The following ATP11B variants were observed in gnomAD, a reference collection of about 807,000 sequenced individuals.
ATP11B encodes the protein ATPase phospholipid transporting 11B (putative).
In ATP11B, 81 loss-of-function variants were observed where a neutral mutation model predicts 157.8. That is an observed-to-expected ratio of 0.51 (90% confidence interval 0.43 to 0.62). The LOEUF is 0.62. Ranked by LOEUF, ATP11B falls within the 20% of genes least tolerant of loss-of-function variation. The pLI, the probability that ATP11B is intolerant of heterozygous loss-of-function variation, is 0.00. For missense variants in ATP11B, 1,165 were observed against 1,402.2 expected, an observed-to-expected ratio of 0.83 and a Z score of 2.70; for synonymous variants, 451 against 469.4, an observed-to-expected ratio of 0.96 and a Z score of 0.51.
At chr3:182,892,211 C>T (rs1723222881) in intron 25 of ATP11B, among the ~76,000 whole-genome samples, 1 of 152,170 alleles carries the variant, frequency 6.6e-6, no homozygotes, top group African/African-American at 2.4e-5. Context: ...AAGATTCCCT[C>T]ACCACCACCT....
At chr3:182,796,092 C>T (rs1715580960) in intron 1 of ATP11B, among the ~76,000 whole-genome samples, 1 of 152,088 alleles carries the variant, frequency 6.6e-6, no homozygotes, top group South Asian at 2.1e-4. Context: ...AAGTGTGACT[C>T]CTTATGACAA....
At chr3:182,916,211 T>C in intron 29 of ATP11B, 1 of 985,306 alleles carries the variant, frequency 1.0e-6, no homozygotes, top group South Asian at 4.7e-5. Context: ...TGTTGGGCAT[T>C]TCCATTGTGA....
chr3:182,828,264 T>G, intron 3 of ATP11B, 55 bp downstream of exon 3: 1 of 886,070 alleles, frequency 1.1e-6, no homozygotes, highest in South Asian at 2.1e-5. Flanking sequence ...AAAATATGTC[T>G]TGGAACAAAG....
chr3:182,795,129 G>C lies in ATP11B; in HGVS notation c.27+1343G>C, dbSNP rs577230801. ...TAGCATTGTAAATTCAGATATCCCAGATATATGCTTTATTAGGAAACCAAG... is the reference window on the plus strand; with the variant it reads ...TAGCATTGTAAATTCAGATATCCCACATATATGCTTTATTAGGAAACCAAG... On this transcript the variant is annotated intron_variant, in intron 1 of 29. Coordinates refer to ENST00000323116, the MANE Select transcript of ATP11B (RefSeq NM_014616.3). Among the ~76,000 whole-genome samples the C allele has an allele frequency of 3.3e-5, 5 of 152,118 alleles. No homozygotes were observed. The South Asian group carries it at 1.0e-3, about 32-fold the overall frequency.
chr3:182,868,567 C>T (rs184552733), intron 15 of ATP11B, among the ~76,000 whole-genome samples: 11 of 152,116 alleles, frequency 7.2e-5, no homozygotes, highest in African/African-American at 2.2e-4. Flanking sequence ...AATGGACCCC[C>T]GCACACACAC....
At chr3:182,831,140 T>C (rs188358280) in intron 4 of ATP11B, among the ~76,000 whole-genome samples, 1 of 152,328 alleles carries the variant, frequency 6.6e-6, no homozygotes, top group African/African-American at 2.4e-5. Context: ...ATTTCAACTT[T>C]GTCATCTCAC....
At chr3:182,794,369 G>A (rs930488159) in intron 1 of ATP11B, among the ~76,000 whole-genome samples, 9 of 152,142 alleles carry the variant, frequency 5.9e-5, no homozygotes, top group African/African-American at 2.2e-4. Flanking sequence ...ACCTGGAAAG[G>A]GGAAAGACTG....
intron 28 of ATP11B, among the ~76,000 whole-genome samples, chr3:182,902,922 A>G (rs568433346): frequency 3.3e-5 from 5 of 152,186 alleles, no homozygotes; most frequent in African/African-American, 1.2e-4. Context: ...TTAAAGCTAC[A>G]TATTTGGAAG....
chr3:182,799,992 C>T (rs1715886516), intron 1 of ATP11B, among the ~76,000 whole-genome samples: 1 of 152,012 alleles, frequency 6.6e-6, no homozygotes, highest in Non-Finnish European at 1.5e-5. Flanking sequence ...TGCCTTTAGT[C>T]CCAGCTACTT....
Position 182,816,231 on chromosome 3 carries a change from T to C in ATP11B, c.28-4029T>C, listed in dbSNP as rs948241631. On this transcript the variant is annotated intron_variant, in intron 1 of 29. Coordinates refer to ENST00000323116, the MANE Select transcript of ATP11B (RefSeq NM_014616.3). ...TTTAAATTTGTGTGCCTACAATACC[T>C]AAACTCTACTTTTTAGTAGACATTA... is the stretch of plus-strand genomic sequence containing the variant. 2.0e-5 allele frequency among the ~76,000 whole-genome samples: 3 copies of C among 152,334 alleles called. No individual in the cohort carries two copies. The East Asian group carries it at 5.8e-4, about 29-fold the overall frequency.
Position 182,828,218 on chromosome 3 carries a change from T to C in ATP11B, c.234+9T>C. ...TTATATTTTTGGTTCAGGTAAGCTT[T>C]ATTACTCAATCTTAAGTTTGTAAAC... is the stretch of plus-strand genomic sequence containing the variant. On this transcript the variant is annotated intron_variant, in intron 3 of 29. Coordinates refer to ENST00000323116, the MANE Select transcript of ATP11B (RefSeq NM_014616.3). The C allele has an allele frequency of 1.6e-6, 2 of 1,234,092 alleles. No homozygotes were observed. Among genetic ancestry groups the C allele is most frequent in the Admixed American group, 2.3e-5 (1 of 43,536 alleles). The allele number at this position is 1,234,092 out of a possible 1,614,324, so 76.4% of individuals were successfully genotyped here. A position where few individuals can be genotyped will look rare whatever the true frequency, so the allele number is the denominator to read the frequency against.
chr3:182,856,660 A>G (rs1720428555), intron 10 of ATP11B, among the ~76,000 whole-genome samples: 1 of 152,222 alleles, frequency 6.6e-6, no homozygotes, highest in Non-Finnish European at 1.5e-5. Context: ...TACTATGCCT[A>G]ATACATAATA....
intron 20 of ATP11B, 135 bp downstream of exon 20, chr3:182,879,784 G>A (rs1407960400): frequency 4.1e-6 from 3 of 737,198 alleles, no homozygotes; most frequent in African/African-American, 3.7e-5. Flanking sequence ...CACATCTCAT[G>A]TTGTAAATTT....
intron 24 of ATP11B, 86 bp downstream of exon 24, chr3:182,887,799 T>C (rs2108568081): frequency 7.3e-7 from 1 of 1,372,218 alleles, no homozygotes; most frequent in African/African-American, 1.5e-5. Flanking sequence ...TGATTAATGC[T>C]TTACTAAGGA....
Position 182,918,457 on chromosome 3 carries a change from A to G in ATP11B, c.*353A>G. 2.5e-6 allele frequency: 1 copy of G among 398,622 alleles called. No individual in the cohort carries two copies. 24.7% of individuals were successfully genotyped at this position (398,622 alleles called of 1,614,324 possible). The stretch of plus-strand genomic sequence containing the variant: ...AAAGAGAGAAATCTTAGTAAAGAGT[A>G]TTTTTTAGTATTAGCTTGATTATTG... On this transcript the variant is annotated 3_prime_UTR_variant, in exon 30 of 30. Transcript: ENST00000323116.
Position 182,874,009 on chromosome 3 carries a change from C to G in ATP11B, c.2246C>G (p.Ala749Gly), listed in dbSNP as rs1230403623. The change falls in exon 19 of 30, where the codon GCC becomes GGC. Residue 749 changes from alanine (A) to glycine (G), a missense_variant. This residue lies in a region of ATP11B where 737 missense variants were observed against 930.5 expected (regional missense o/e 0.79). Transcript: ENST00000323116. Reference protein sequence around the residue: ...SECAEQLRQLARRITEDHVIQ... With the variant: ...SECAEQLRQLGRRITEDHVIQ... ...TGTGCTGAACAATTGAGGCAGCTTG[C>G]CAGAAGGTAAGAATATAGGAACCTG... 1 of 1,613,454 alleles carries G rather than the reference C, an allele frequency of 6.2e-7. No individual in the cohort carries two copies. Among genetic ancestry groups the G allele is most frequent in the South Asian group, 1.1e-5 (1 of 91,032 alleles).
In ATP11B at chr3:182,918,052, C is replaced by T. The variant is rs767264038; in HGVS notation, c.3482C>T (p.Thr1161Ile). ...RSWSASDPFY[T>I]NDRSILTLST... Reference sequence around the variant, plus strand: ...TGGAGTGCATCGGATCCTTTCTATACCAACGACAGGAGCATCTTGACTCTC... The same window carrying T: ...TGGAGTGCATCGGATCCTTTCTATATCAACGACAGGAGCATCTTGACTCTC... Residue 1161 changes from threonine to isoleucine, a missense_variant, in exon 30 of 30, where the codon ACC becomes ATC. Thr to Ile is a moderately conservative substitution (Grantham distance 89). Coordinates refer to ENST00000323116, the MANE Select transcript of ATP11B (RefSeq NM_014616.3). 4 of 1,613,216 alleles carry T rather than the reference C, an allele frequency of 2.5e-6. No individual in the cohort carries two copies. The Admixed American group carries it at 6.7e-5, about 27-fold the overall frequency.
intron 1 of ATP11B, among the ~76,000 whole-genome samples, chr3:182,819,112 C>G (rs1490355236): frequency 1.3e-5 from 2 of 149,560 alleles, no homozygotes; most frequent in Admixed American, 6.6e-5. Flanking sequence ...AGTCTCTCCC[C>G]GTGTCCCAGG....
At chr3:182,805,713 G>A (rs1036500830) in intron 1 of ATP11B, among the ~76,000 whole-genome samples, 7 of 150,466 alleles carry the variant, frequency 4.7e-5, no homozygotes, top group African/African-American at 1.7e-4. Context: ...TGTCTGCCTT[G>A]GCTTCCCAAA....
Sources: allele counts gnomAD v4.1 joint callset (sites outside exome capture counted in the v4.1 genomes callset), GRCh38; gene constraint gnomAD v4.1.1; regional missense constraint gnomAD v4.1.1; transcripts MANE v1.5; gene names NCBI Gene and HGNC (gene_info 2026-07-23, HGNC 2026-07-21).